Variants in MAGEC3 observed in about 807,000 individuals in gnomAD.
MAGEC3 encodes melanoma-associated antigen C3.
A neutral mutation model predicts 35.3 loss-of-function variants in MAGEC3; 34 were observed. That is an observed-to-expected ratio of 0.96 (90% CI 0.73 to 1.28). MAGEC3 has a LOEUF of 1.28. Among genes scored for constraint, MAGEC3 ranks in the 50% most tolerant of loss-of-function variants. MAGEC3 has a pLI of 0.00. For missense variants in MAGEC3, 561 were observed against 483.6 expected (o/e 1.16, Z -1.50); for synonymous variants, 202 against 185.6 (o/e 1.09, Z -0.72).
At chrX:141,886,182 A>C (rs2018001276) in intron 4 of MAGEC3, among the ~76,000 whole-genome samples, 1 of 111,046 alleles carries the variant, frequency 9.0e-6, no homozygotes, top group Non-Finnish European at 1.9e-5. Context: ...TAATCACAGT[A>C]TTTCTAGAAG....
intron 4 of MAGEC3, among the ~76,000 whole-genome samples, chrX:141,892,319 G>A (rs1009279843): frequency 9.0e-6 from 1 of 111,355 alleles, no homozygotes; most frequent in Non-Finnish European, 1.9e-5. Flanking sequence ...GTTTATTTCT[G>A]TGCAATAATG....
intron 1 of MAGEC3, among the ~76,000 whole-genome samples, chrX:141,850,978 A>C (rs1239020803): frequency 1.8e-5 from 2 of 111,387 alleles, no homozygotes; most frequent in African/African-American, 6.5e-5. Context: ...GACCAAGCTC[A>C]GATTACTTCA....
chrX:141,861,183 A>G (rs1270006698), intron 1 of MAGEC3, among the ~76,000 whole-genome samples: 1 of 110,997 alleles, frequency 9.0e-6, no homozygotes, highest in Admixed American at 9.7e-5. Flanking sequence ...GACGCTAGAT[A>G]CACTGAATTG....
chrX:141,881,465 A>C lies in MAGEC3; in HGVS notation c.578A>C (p.Gln193Pro), dbSNP rs747316243. The C allele has an allele frequency of 5.8e-6, 7 of 1,208,957 alleles. No homozygotes were observed. Among genetic ancestry groups the C allele is most frequent in the Non-Finnish European group, 4.5e-6 (4 of 894,830 alleles). ...GATGAAAAGGTGGACAAGTTGGTGC[A>C]GTTTCTTCTCCTCAAATATCAAGCA... ...TLDEKVDKLV[Q>P]FLLLKYQAKE... The change falls in exon 4 of 8, where the codon CAG (glutamine) becomes CCG (proline). Residue 193 changes from glutamine (Q) to proline (P), a missense_variant. Physicochemically the swap from Gln to Pro is moderately conservative, Grantham distance 76. Coordinates refer to ENST00000298296, the MANE Select transcript of MAGEC3 (RefSeq NM_138702.1).
chrX:141,897,424 A>T lies in MAGEC3; in HGVS notation c.1666A>T (p.Ile556Phe), dbSNP rs373619513. ...TCTCCTGATTCTTATTCTCAGTATG[A>T]TCTTCATAAAGGGCAGCTGTGTCCC... The part of the protein sequence containing the change: ...NCLLILILSM[I>F]FIKGSCVPEE... Residue 556 changes from isoleucine (I) to phenylalanine (F), a missense_variant, in exon 7 of 8, where the codon ATC (isoleucine) becomes TTC (phenylalanine). By Grantham distance (21) the Ile-to-Phe change is conservative. Coordinates refer to ENST00000298296, the MANE Select transcript of MAGEC3 (RefSeq NM_138702.1). 8.3e-6 allele frequency: 10 copies of T among 1,209,655 alleles called. No homozygotes were observed. The African/African-American group carries it at 1.6e-4, about 19-fold the overall frequency.
chrX:141,839,310 G>T (rs2017672130), intron 1 of MAGEC3: 6 of 531,412 alleles, frequency 1.1e-5, no homozygotes, highest in Non-Finnish European at 1.4e-5. Flanking sequence ...TTTTAATGGA[G>T]AAAGTGAGTA....
chrX:141,847,242 C>T (rs762091216), intron 1 of MAGEC3, among the ~76,000 whole-genome samples: 10 of 110,764 alleles, frequency 9.0e-5, no homozygotes, highest in Admixed American at 1.9e-4. Flanking sequence ...CCCTCTTTCA[C>T]GTTATTCAAC....
chrX:141,868,029 A>C (rs928367778), intron 2 of MAGEC3, among the ~76,000 whole-genome samples: 2 of 110,856 alleles, frequency 1.8e-5, no homozygotes, highest in African/African-American at 6.6e-5. Flanking sequence ...AGGCTGAGGC[A>C]GCAGAATGGT....
intron 1 of MAGEC3, among the ~76,000 whole-genome samples, chrX:141,855,183 A>G (rs1043898832): frequency 1.8e-5 from 2 of 111,023 alleles, no homozygotes; most frequent in Non-Finnish European, 3.8e-5. Context: ...AACTGACACT[A>G]GCCGGACAAG....
At chrX:141,867,779 G>T (rs754261916) in intron 2 of MAGEC3, among the ~76,000 whole-genome samples, 1 of 111,980 alleles carries the variant, frequency 8.9e-6, no homozygotes, top group South Asian at 3.7e-4. Flanking sequence ...TCCTGCAAGG[G>T]TTGCATAGTA....
chrX:141,872,814 G>A (rs1054061230), intron 2 of MAGEC3, among the ~76,000 whole-genome samples: 18 of 111,908 alleles, frequency 1.6e-4, no homozygotes, highest in Admixed American at 4.7e-4. Flanking sequence ...GAGTAGCCCC[G>A]GCCTGAGCCT....
At position 141,896,946 on chromosome X, in the gene MAGEC3, C is replaced by G. The variant is rs1265782103; in HGVS notation, c.1188C>G (p.Pro396=). ...PLPQSPPEIP[P]QGPPKISPQG... The stretch of plus-strand genomic sequence containing the variant: ...CCCAGAGTCCTCCTGAGATTCCTCC[C>G]CAGGGTCCTCCCAAGATCTCTCCCC... The change falls in exon 7 of 8, where the codon CCC becomes CCG. Residue 396 remains proline (P), a synonymous_variant. Coordinates refer to ENST00000298296, the MANE Select transcript of MAGEC3 (RefSeq NM_138702.1). 3.4e-6 allele frequency: 4 copies of G among 1,185,003 alleles called. No homozygotes were observed. The highest frequency in any genetic ancestry group is 2.3e-6 in the Non-Finnish European group (2 of 882,548).
chrX:141,866,083 A>G (rs2017846950), intron 2 of MAGEC3, among the ~76,000 whole-genome samples: 1 of 111,639 alleles, frequency 9.0e-6, no homozygotes, highest in Non-Finnish European at 1.9e-5. Context: ...GAAATTGAGA[A>G]GTACACAGGG....
intron 2 of MAGEC3, among the ~76,000 whole-genome samples, chrX:141,869,916 C>A (rs1489511627): frequency 9.0e-6 from 1 of 111,479 alleles, no homozygotes; most frequent in African/African-American, 3.3e-5. Flanking sequence ...TATTAGACAT[C>A]ATTTTTGCAA....
chrX:141,859,863 C>T (rs965430981), intron 1 of MAGEC3, among the ~76,000 whole-genome samples: 1 of 111,880 alleles, frequency 8.9e-6, no homozygotes, highest in Non-Finnish European at 1.9e-5. Context: ...AGAGAAGGAA[C>T]GGCTTGGCCT....
intron 4 of MAGEC3, among the ~76,000 whole-genome samples, chrX:141,884,294 G>A (rs2017986600): frequency 9.0e-6 from 1 of 111,716 alleles, no homozygotes; most frequent in Admixed American, 9.5e-5. Flanking sequence ...GGCTAGACTG[G>A]CTTAGCCTCC....
chrX:141,874,992 T>C (rs1053780941), intron 2 of MAGEC3, among the ~76,000 whole-genome samples: 19 of 111,587 alleles, frequency 1.7e-4, no homozygotes, highest in Admixed American at 1.6e-3. Flanking sequence ...CTATGATAAA[T>C]AAAAATGTTC....
chrX:141,891,714 AAT>A (rs1290184959), intron 4 of MAGEC3, among the ~76,000 whole-genome samples: 5 of 103,847 alleles, frequency 4.8e-5, no homozygotes, highest in Admixed American at 1.1e-4. Context: ...TGCATATATA[AAT>A]ATATATATTT....
intron 3 of MAGEC3, among the ~76,000 whole-genome samples, chrX:141,880,236 G>A: frequency 8.9e-6 from 1 of 111,855 alleles, no homozygotes; most frequent in Admixed American, 9.4e-5. Flanking sequence ...CAGCCCAACT[G>A]CCCCCGTGGT....
Sources: gnomAD v4.1 joint callset for allele counts (sites outside exome capture counted in the v4.1 genomes callset) on GRCh38, gnomAD v4.1.1 for gene constraint, MANE v1.5 for transcripts, NCBI Gene and HGNC (gene_info 2026-07-23, HGNC 2026-07-21) for gene names.